The following MYO16 variants were observed in gnomAD, a reference collection of about 807,000 sequenced individuals.
MYO16 encodes the protein myosin XVI.
Under a neutral mutation model 205.3 loss-of-function variants are expected in MYO16, and 94 were observed. That is an observed-to-expected ratio of 0.46 (90% CI 0.39 to 0.54). The LOEUF is 0.54. Ranked by LOEUF, MYO16 falls within the 20% of genes least tolerant of loss-of-function variation. The probability of loss-of-function intolerance (pLI) is 0.00; values close to 1 mark genes in which losing one functional copy is unlikely to be tolerated. For synonymous variants in MYO16, 988 were observed against 954.0 expected (o/e 1.04, Z -0.66); for missense variants, 2,315 against 2,387.5 (o/e 0.97, Z 0.63).
intron 2 of MYO16, among the ~76,000 whole-genome samples, chr13:108,666,920 T>C (rs964763138): frequency 7.2e-5 from 11 of 152,196 alleles, no homozygotes; most frequent in African/African-American, 2.2e-4. Flanking sequence ...ATTGTTGTAA[T>C]TGTACAAGGC....
chr13:108,912,328 G>A (rs1396217558), intron 16 of MYO16, among the ~76,000 whole-genome samples: 3 of 152,120 alleles, frequency 2.0e-5, no homozygotes, highest in African/African-American at 4.8e-5. Context: ...GTCAGGAAGT[G>A]TAAAAGGCCT....
At chr13:108,768,393 T>C (rs796471622) in intron 4 of MYO16, among the ~76,000 whole-genome samples, 1 of 152,324 alleles carries the variant, frequency 6.6e-6, no homozygotes, top group Non-Finnish European at 1.5e-5. Context: ...CTCTTCTAAA[T>C]AGCTGTTTCT....
intron 4 of MYO16, among the ~76,000 whole-genome samples, chr13:108,759,794 T>C (rs1185395885): frequency 2.1e-5 from 3 of 144,934 alleles, no homozygotes; most frequent in Non-Finnish European, 4.5e-5. Context: ...CACTCCAGCC[T>C]GGGCGACACA....
At chr13:109,076,463 C>A (rs1247656094) in intron 27 of MYO16, among the ~76,000 whole-genome samples, 1 of 152,036 alleles carries the variant, frequency 6.6e-6, no homozygotes, top group Admixed American at 6.6e-5. Flanking sequence ...AGCTTTGCAC[C>A]CAGAAGTGGG....
At chr13:108,867,296 G>A (rs187191004) in intron 12 of MYO16, among the ~76,000 whole-genome samples, 1 of 152,288 alleles carries the variant, frequency 6.6e-6, no homozygotes, top group East Asian at 1.9e-4. Flanking sequence ...GGCCCAAGAA[G>A]TTGAAGCTAC....
intron 11 of MYO16, among the ~76,000 whole-genome samples, chr13:108,857,264 G>A (rs1015825268): frequency 6.6e-6 from 1 of 152,186 alleles, no homozygotes; most frequent in African/African-American, 2.4e-5. Context: ...TGGTTATTCT[G>A]TAACTCATTG....
At chr13:108,893,574 C>T (rs1394710192) in intron 14 of MYO16, among the ~76,000 whole-genome samples, 1 of 151,936 alleles carries the variant, frequency 6.6e-6, no homozygotes, top group African/African-American at 2.4e-5. Context: ...CTTGAACAGC[C>T]TTGATTTATG....
chr13:108,765,322 A>G (rs7981340), intron 4 of MYO16, among the ~76,000 whole-genome samples: 2 of 151,976 alleles, frequency 1.3e-5, no homozygotes, highest in East Asian at 1.9e-4. Context: ...TTTTCTAATG[A>G]TATTACACTA....
chr13:109,000,964 C>G (rs1885191568), intron 21 of MYO16, among the ~76,000 whole-genome samples: 1 of 151,712 alleles, frequency 6.6e-6, no homozygotes, highest in Non-Finnish European at 1.5e-5. Context: ...CATCAAAATA[C>G]TAGATTTTTT....
In MYO16 at chr13:109,066,361, T is replaced by A. The variant is rs148799054; in HGVS notation, c.3335+10766T>A. On this transcript the variant is annotated intron_variant, in intron 27 of 34. Transcript: ENST00000457511. ...GCTTGAATTAGCAGACGATAAACTT[T>A]CTCCAAGGTAATTTTGCCAAATCTA... Among the ~76,000 whole-genome samples, 240 of 152,330 alleles carry A rather than the reference T, an allele frequency of 1.6e-3. 2 individuals carry two copies. Among genetic ancestry groups the A allele is most frequent in the African/African-American group, 5.5e-3 (228 of 41,580 alleles).
At chr13:109,090,588 G>C (rs745431843) in intron 27 of MYO16, among the ~76,000 whole-genome samples, 6 of 152,208 alleles carry the variant, frequency 3.9e-5, no homozygotes, top group Non-Finnish European at 8.8e-5. Context: ...CTGCCCTGCA[G>C]TGTGGGCGTG....
chr13:108,519,172 C>T, the MYO16 span, among the ~76,000 whole-genome samples: 1 of 152,108 alleles, frequency 6.6e-6, no homozygotes, highest in African/African-American at 2.4e-5. Flanking sequence ...TTACCAGAGG[C>T]AAGAAGTCCA....
At chr13:108,711,002 A>G (rs9559389) in intron 2 of MYO16, among the ~76,000 whole-genome samples, 5,640 of 152,306 alleles carry the variant, frequency 0.037, 176 homozygotes, top group East Asian at 0.14. Flanking sequence ...ATTCTCATGA[A>G]AGGGATTTTA....
At chr13:109,080,111 G>A (rs1255624929) in intron 27 of MYO16, among the ~76,000 whole-genome samples, 1 of 151,926 alleles carries the variant, frequency 6.6e-6, no homozygotes, top group Admixed American at 6.6e-5. Flanking sequence ...TCCTGACCTC[G>A]TGATCCACCC....
chr13:108,796,482 G>A (rs946525079), intron 6 of MYO16, among the ~76,000 whole-genome samples: 50 of 152,198 alleles, frequency 3.3e-4, no homozygotes, highest in African/African-American at 1.1e-3. Context: ...GTTTATTGTG[G>A]CACTATTCAC....
intron 6 of MYO16, among the ~76,000 whole-genome samples, chr13:108,793,981 TG>T (rs1156999896): frequency 6.6e-6 from 1 of 152,154 alleles, no homozygotes; most frequent in East Asian, 1.9e-4. Context: ...ATATACACCA[TG>T]GAATACTACA....
At chr13:109,135,974 T>A (rs1469301017) in intron 31 of MYO16, among the ~76,000 whole-genome samples, 1 of 152,210 alleles carries the variant, frequency 6.6e-6, no homozygotes, top group Non-Finnish European at 1.5e-5. Flanking sequence ...AAGTGTGTGC[T>A]TGACTTCATC....
rs187721073 is a variant in MYO16, at chr13:108,856,306, C to T, written c.1359+753C>T. On this transcript the variant is annotated intron_variant, in intron 11 of 34. Transcript: ENST00000457511. Reference sequence around the variant, plus strand: ...TCTGATTATGCATATACCAGCTATCCCTTTTTGATAACACTTGTTTTTTTT... The same window carrying T: ...TCTGATTATGCATATACCAGCTATCTCTTTTTGATAACACTTGTTTTTTTT... Among the ~76,000 whole-genome samples the T allele has an allele frequency of 4.8e-4, 73 of 152,238 alleles. 1 individual carries two copies. The highest frequency in any genetic ancestry group is 1.4e-3 in the African/African-American group (60 of 41,538).
At chr13:108,953,645 A>G (rs1018681478) in intron 16 of MYO16, among the ~76,000 whole-genome samples, 1 of 151,476 alleles carries the variant, frequency 6.6e-6, no homozygotes, top group African/African-American at 2.4e-5. Flanking sequence ...TTTACCATGC[A>G]TATTTTCCAA....
Sources: gnomAD v4.1 joint callset for allele counts (sites outside exome capture counted in the v4.1 genomes callset) on GRCh38, gnomAD v4.1.1 for gene constraint, MANE v1.5 for transcripts, NCBI Gene and HGNC (gene_info 2026-07-23, HGNC 2026-07-21) for gene names.